CDK13: variants seen among roughly 807,000 people sequenced by gnomAD.
The protein encoded by CDK13 is cyclin dependent kinase 13.
CDK13 carries 40 observed loss-of-function variants against 137.6 expected under a neutral mutation model. That is an observed-to-expected ratio of 0.29 (90% CI 0.23 to 0.38). CDK13 has a LOEUF of 0.38. CDK13 is among the 10% of genes least tolerant of loss of function. CDK13 has a pLI of 1.00. For missense variants in CDK13, 1,704 were observed against 1,951.8 expected (o/e 0.87, Z 2.39); for synonymous variants, 869 against 760.1 (o/e 1.14, Z -2.36).
At position 40,098,253 on chromosome 7, in the gene CDK13, A is replaced by C. The variant is rs2150550933; in HGVS notation, c.*3273A>C. ...GTAAGAAATATCAAGACTTCTTGAG[A>C]AAAATGAAAAGTGAATACATAAATG... On this transcript the variant is annotated 3_prime_UTR_variant, in exon 14 of 14. Transcript: ENST00000181839. 6.6e-6 allele frequency: 1 copy of C among 152,216 alleles called. No homozygotes were observed. The highest frequency in any genetic ancestry group is 1.9e-4 in the East Asian group (1 of 5,180). 9.4% of individuals were successfully genotyped at this position (152,216 alleles called of 1,614,324 possible). A position where few individuals can be genotyped will look rare whatever the true frequency, so the allele number is the denominator to read the frequency against.
At chr7:40,080,730 T>A (rs1223364794) in intron 11 of CDK13, among the ~76,000 whole-genome samples, 2 of 152,238 alleles carry the variant, frequency 1.3e-5, no homozygotes, top group Non-Finnish European at 1.5e-5. Context: ...GGAAGAATAG[T>A]ACAAAGAGTA....
At position 40,096,516 on chromosome 7, in the gene CDK13, TTGAC is replaced by T. The variant is rs1787051010; in HGVS notation, c.*1539_*1542del. ...TTTCCATTATCACTAAATGGAAAAA[TTGAC>T]TGGAAGTTAGAGTTGTGCCAATTAA... is the stretch of plus-strand genomic sequence containing the variant. On this transcript the variant is annotated 3_prime_UTR_variant, in exon 14 of 14. Coordinates refer to ENST00000181839, the MANE Select transcript of CDK13 (RefSeq NM_003718.5). 6.6e-6 allele frequency: 1 copy of T among 152,110 alleles called. No homozygotes were observed. The highest frequency in any genetic ancestry group is 1.5e-5 in the Non-Finnish European group (1 of 67,990). 9.4% of individuals were successfully genotyped at this position (152,110 alleles called of 1,614,324 possible). A position where few individuals can be genotyped will look rare whatever the true frequency, so the allele number is the denominator to read the frequency against.
intron 9 of CDK13, among the ~76,000 whole-genome samples, chr7:40,076,586 A>G (rs537674786): frequency 7.9e-4 from 119 of 151,564 alleles, no homozygotes; most frequent in Admixed American, 2.6e-3. Flanking sequence ...GGACTTTAAG[A>G]CAAAAGAGAG....
intron 13 of CDK13, 21 bp downstream of exon 13, chr7:40,093,258 C>A: frequency 1.3e-6 from 2 of 1,559,870 alleles, no homozygotes; most frequent in South Asian, 1.1e-5. Context: ...AGATACCAGA[C>A]CACTAACACA....
intron 5 of CDK13, among the ~76,000 whole-genome samples, chr7:40,010,537 AG>A (rs2116361339): frequency 6.6e-6 from 1 of 152,270 alleles, no homozygotes; most frequent in Non-Finnish European, 1.5e-5. Flanking sequence ...TACAAAAATT[AG>A]CTGGGCATGG....
In CDK13 at chr7:39,996,961, C is replaced by CG. The variant is rs1224809635; in HGVS notation, c.1872-533_1872-532insG. On this transcript the variant is annotated intron_variant, in intron 2 of 13. Coordinates refer to ENST00000181839, the MANE Select transcript of CDK13 (RefSeq NM_003718.5). Reference sequence around the variant, plus strand: ...CTTGGGTGACAGTGAGATTCCATCTCAAAAAAAAAAAAAAAGAAAAAAAAA... The same window carrying CG: ...CTTGGGTGACAGTGAGATTCCATCTCGAAAAAAAAAAAAAAAGAAAAAAAAA... Among the ~76,000 whole-genome samples, 8 of 83,254 alleles carry CG rather than the reference C, an allele frequency of 9.6e-5. 1 individual carries two copies. The highest frequency in any genetic ancestry group is 6.7e-4 in the Admixed American group (5 of 7,484). 54.6% of individuals were successfully genotyped at this position (83,254 alleles called of 152,430 possible). A position where few individuals can be genotyped will look rare whatever the true frequency, so the allele number is the denominator to read the frequency against.
At chr7:40,078,576 C>T in intron 10 of CDK13, 144 bp from the exon 11 acceptor site, 1 of 352,890 alleles carries the variant, frequency 2.8e-6, no homozygotes, top group Non-Finnish European at 4.8e-6. Flanking sequence ...AAGTATTATG[C>T]ACATATTAAA....
At chr7:40,044,742 T>C (rs1785697423) in intron 5 of CDK13, among the ~76,000 whole-genome samples, 1 of 152,156 alleles carries the variant, frequency 6.6e-6, no homozygotes, top group South Asian at 2.1e-4. Context: ...GTTCATGCCA[T>C]TCTCCTGCCT....
chr7:40,032,170 C>T (rs1302844210), intron 5 of CDK13, among the ~76,000 whole-genome samples: 1 of 152,164 alleles, frequency 6.6e-6, no homozygotes, highest in African/African-American at 2.4e-5. Flanking sequence ...CGTCTTCCCA[C>T]CTCAGCCTCC....
chr7:40,069,238 A>T (rs1786356425), intron 9 of CDK13: 1 of 435,072 alleles, frequency 2.3e-6, no homozygotes, highest in Non-Finnish European at 4.6e-6. Context: ...TTGTCTCAAA[A>T]AAACAGAAAT....
intron 5 of CDK13, among the ~76,000 whole-genome samples, chr7:40,003,186 ACACACACACACACACACACACTCTCTCT>A (rs1784724093): frequency 1.0e-5 from 1 of 96,948 alleles, no homozygotes. Context: ...ACACACACAC[ACACACACACACACACACACACTCTCTCT>A]CTCTCTCTCT....
chr7:39,953,319 T>C (rs1165574043), intron 1 of CDK13, among the ~76,000 whole-genome samples: 1 of 152,248 alleles, frequency 6.6e-6, no homozygotes, highest in Non-Finnish European at 1.5e-5. Context: ...ACTTTGTATG[T>C]TACTTTTAAC....
chr7:40,042,477 CTTTT>C (rs5883713), intron 5 of CDK13, among the ~76,000 whole-genome samples: 3 of 76,146 alleles, frequency 3.9e-5, no homozygotes, highest in Non-Finnish European at 7.1e-5. Context: ...TCTTTTCTTT[CTTTT>C]TTTTTTTTTT....
At chr7:39,992,109 A>G (rs949655586) in intron 2 of CDK13, among the ~76,000 whole-genome samples, 175 of 122,064 alleles carry the variant, frequency 1.4e-3, no homozygotes, top group African/African-American at 9.7e-3. Flanking sequence ...ACACACGCAC[A>G]CACACACACA....
Position 40,095,500 on chromosome 7 carries a change from A to G in CDK13, c.*520A>G, listed in dbSNP as rs1171329904. The G allele has an allele frequency of 6.6e-6, 1 of 152,390 alleles. No individual in the cohort carries two copies. The highest frequency in any genetic ancestry group is 2.4e-5 in the African/African-American group (1 of 41,356). The allele number at this position is 152,390 out of a possible 1,614,324, so 9.4% of individuals were successfully genotyped here. On this transcript the variant is annotated 3_prime_UTR_variant, in exon 14 of 14. Transcript: ENST00000181839. ...ATTGTGAAAGGTGTACTTTGTGCTC[A>G]TTTCAGAAAATAAAACACAACCTTT...
chr7:39,974,811 AC>A (rs1784072740), intron 1 of CDK13, among the ~76,000 whole-genome samples: 1 of 152,074 alleles, frequency 6.6e-6, no homozygotes, highest in South Asian at 2.1e-4. Flanking sequence ...TGATCCACCC[AC>A]CTTGACCTCC....
At chr7:39,992,030 T>TG (rs1263092436) in intron 2 of CDK13, among the ~76,000 whole-genome samples, 2 of 151,548 alleles carry the variant, frequency 1.3e-5, no homozygotes, top group Non-Finnish European at 2.9e-5. Context: ...CCTGCCTGGG[T>TG]GACAGAGTGA....
chr7:39,988,683 A>T (rs1390331041), intron 2 of CDK13, among the ~76,000 whole-genome samples: 4 of 152,224 alleles, frequency 2.6e-5, no homozygotes, highest in Non-Finnish European at 5.9e-5. Flanking sequence ...ACTGTCAGTG[A>T]TTTTGTTATC....
chr7:40,082,177 G>A (rs1786676609), intron 11 of CDK13, among the ~76,000 whole-genome samples: 1 of 152,112 alleles, frequency 6.6e-6, no homozygotes, highest in Non-Finnish European at 1.5e-5. Context: ...GACATTATGT[G>A]TGAAAAGCCT....
Sources: gnomAD v4.1 joint callset for allele counts (sites outside exome capture counted in the v4.1 genomes callset) on GRCh38, gnomAD v4.1.1 for gene constraint, MANE v1.5 for transcripts, NCBI Gene and HGNC (gene_info 2026-07-23, HGNC 2026-07-21) for gene names.